Variants in MEIKIN observed in about 807,000 individuals in gnomAD.
MEIKIN encodes the protein meiotic kinetochore factor, also known as meiosis-specific kinetochore protein.
chr5:131,857,735 C>T (rs967063498), intron 9 of MEIKIN, among the ~76,000 whole-genome samples: 16 of 152,220 alleles, frequency 1.1e-4, no homozygotes, highest in African/African-American at 2.4e-4. Flanking sequence ...GTCATGCACT[C>T]GCCCAAGGTC....
intron 9 of MEIKIN, among the ~76,000 whole-genome samples, chr5:131,856,764 C>T (rs1010457956): frequency 2.6e-5 from 4 of 151,746 alleles, no homozygotes; most frequent in East Asian, 1.9e-4. Context: ...AGCTTCCCTA[C>T]ATTTTTTCTT....
chr5:131,878,095 T>C (rs1750645573), intron 9 of MEIKIN, among the ~76,000 whole-genome samples: 1 of 152,250 alleles, frequency 6.6e-6, no homozygotes, highest in Admixed American at 6.5e-5. Context: ...GGTCTTGGGA[T>C]GTATCCCTCA....
chr5:131,860,839 G>A (rs939571066), intron 9 of MEIKIN, among the ~76,000 whole-genome samples: 8 of 130,956 alleles, frequency 6.1e-5, no homozygotes, highest in African/African-American at 2.3e-4. Flanking sequence ...TTGGCTCACT[G>A]CAACCTCCAC....
intron 8 of MEIKIN, among the ~76,000 whole-genome samples, chr5:131,880,110 C>A (rs1275804412): frequency 6.7e-6 from 1 of 150,316 alleles, no homozygotes; most frequent in Non-Finnish European, 1.5e-5. Flanking sequence ...TTTTTTGAGA[C>A]GGAGTTTTGC....
intron 6 of MEIKIN, among the ~76,000 whole-genome samples, chr5:131,917,563 CAAAAAAAAA>C (rs546218361): frequency 2.6e-5 from 2 of 76,778 alleles, no homozygotes; most frequent in Non-Finnish European, 5.5e-5. Context: ...TACTCCATCT[CAAAAAAAAA>C]AAAAAAAAAA....
chr5:131,896,018 C>A (rs1436710184), intron 8 of MEIKIN, among the ~76,000 whole-genome samples: 1 of 152,160 alleles, frequency 6.6e-6, no homozygotes, highest in Non-Finnish European at 1.5e-5. Flanking sequence ...CTCTTGTGGG[C>A]ATTTAGTGCT....
intron 9 of MEIKIN, among the ~76,000 whole-genome samples, chr5:131,860,347 A>AC (rs1554104463): frequency 1.4e-5 from 2 of 141,932 alleles, no homozygotes; most frequent in Non-Finnish European, 3.0e-5. Flanking sequence ...TGCCTTCTTG[A>AC]TTTTTTTTCA....
chr5:131,937,171 T>A (rs1751795038), intron 4 of MEIKIN, among the ~76,000 whole-genome samples: 1 of 152,198 alleles, frequency 6.6e-6, no homozygotes, highest in Non-Finnish European at 1.5e-5. Context: ...CTTATTGATT[T>A]ATTTCCTGGT....
chr5:131,896,739 T>C (rs570732941), intron 8 of MEIKIN, among the ~76,000 whole-genome samples: 1 of 152,332 alleles, frequency 6.6e-6, no homozygotes, highest in Non-Finnish European at 1.5e-5. Context: ...GCTTGGTATA[T>C]CTTCCTCCAT....
At chr5:131,915,953 T>C (rs934231825) in intron 7 of MEIKIN, among the ~76,000 whole-genome samples, 1 of 152,176 alleles carries the variant, frequency 6.6e-6, no homozygotes, top group Non-Finnish European at 1.5e-5. Flanking sequence ...TTTCAATACA[T>C]AGGCAACAGT....
intron 11 of MEIKIN, among the ~76,000 whole-genome samples, chr5:131,819,265 A>T (rs538739433): frequency 6.6e-6 from 1 of 152,142 alleles, no homozygotes; most frequent in East Asian, 1.9e-4. Context: ...TTTTTACCTC[A>T]GGTAATGTTG....
chr5:131,862,854 G>A (rs1309943434), intron 9 of MEIKIN, among the ~76,000 whole-genome samples: 1 of 152,082 alleles, frequency 6.6e-6, no homozygotes, highest in African/African-American at 2.4e-5. Context: ...GCACCACCAT[G>A]CCTGACTAAG....
intron 11 of MEIKIN, among the ~76,000 whole-genome samples, chr5:131,829,657 T>C (rs1458510646): frequency 1.3e-5 from 2 of 152,178 alleles, no homozygotes; most frequent in African/African-American, 4.8e-5. Flanking sequence ...CCAAAAAATA[T>C]GTTGAAGTCC....
chr5:131,850,912 C>A (rs149737785), intron 11 of MEIKIN, among the ~76,000 whole-genome samples: 1 of 151,712 alleles, frequency 6.6e-6, no homozygotes, highest in Non-Finnish European at 1.5e-5. Context: ...TGCACCCTGG[C>A]ACTCCAGCAG....
chr5:131,876,662 T>G (rs1400353562), intron 9 of MEIKIN, among the ~76,000 whole-genome samples: 34 of 144,758 alleles, frequency 2.3e-4, no homozygotes, highest in African/African-American at 8.8e-4. Flanking sequence ...ACCCAAAGGA[T>G]TATAAATCAT....
rs74883789 is a variant in MEIKIN at position 131,937,883 on chromosome 5, G to A, written c.350-4242C>T. Among the ~76,000 whole-genome samples, 150 of 151,812 alleles carry A rather than the reference G, an allele frequency of 9.9e-4. No individual in the cohort carries two copies. In the East Asian group the frequency reaches 0.015, roughly 15 times the overall value. ...TGGTTTTTTTTTCATTTATTGGGGT[G>A]AGCACAGTTTGCACCGTCCAAACTT... is the stretch of plus-strand genomic sequence containing the variant. On this transcript the variant is annotated intron_variant, in intron 4 of 12. Transcript: ENST00000442687.
chr5:131,819,427 A>AGAGGGG (rs1290492251), intron 11 of MEIKIN, among the ~76,000 whole-genome samples: 1 of 61,708 alleles, frequency 1.6e-5, no homozygotes, highest in Non-Finnish European at 2.9e-5. Context: ...AGGGGGAGGG[A>AGAGGGG]GAGGGGGAGG....
chr5:131,818,942 AGTCTT>A, intron 11 of MEIKIN, 79 bp from the exon 12 acceptor site: 1 of 390,796 alleles, frequency 2.6e-6, no homozygotes, highest in South Asian at 1.4e-4. Flanking sequence ...AAATGCAACT[AGTCTT>A]AATATCTGTA....
At chr5:131,821,351 A>C (rs1477816048) in intron 11 of MEIKIN, among the ~76,000 whole-genome samples, 1 of 152,172 alleles carries the variant, frequency 6.6e-6, no homozygotes, top group Non-Finnish European at 1.5e-5. Flanking sequence ...CATTGTGGTC[A>C]GGGTAGATGC....
Sources: gnomAD v4.1 joint callset for allele counts (sites outside exome capture counted in the v4.1 genomes callset) on GRCh38, gnomAD v4.1.1 for gene constraint, MANE v1.5 for transcripts, NCBI Gene and HGNC (gene_info 2026-07-23, HGNC 2026-07-21) for gene names.